Variants in KALRN observed in about 807,000 individuals in gnomAD.
KALRN encodes kalirin.
A neutral mutation model predicts 353.7 loss-of-function variants in KALRN; 70 were observed. The ratio of observed to expected loss-of-function variants is 0.20; its 90% CI spans 0.16 to 0.24. KALRN has a LOEUF of 0.24. Among genes scored for constraint, KALRN ranks in the 10% least tolerant of loss-of-function variants. The pLI is 1.00. For missense variants in KALRN, 2,791 were observed against 3,756.7 expected (o/e 0.74, Z 6.72); for synonymous variants, 1,391 against 1,434.8 (o/e 0.97, Z 0.69).
At chr3:124,607,681 A>G (rs1203288788) in intron 34 of KALRN, among the ~76,000 whole-genome samples, 1 of 152,126 alleles carries the variant, frequency 6.6e-6, no homozygotes, top group Non-Finnish European at 1.5e-5. Flanking sequence ...CAGTGGCACA[A>G]TCTCGGATCA....
intron 37 of KALRN, among the ~76,000 whole-genome samples, chr3:124,647,543 T>C (rs1303149742): frequency 6.6e-6 from 1 of 152,218 alleles, no homozygotes; most frequent in East Asian, 1.9e-4. Flanking sequence ...TTCCATTAAG[T>C]CTTTCCTTCT....
chr3:124,717,503 G>A (rs577931507), intron 59 of KALRN, 118 bp downstream of exon 59: 54 of 541,920 alleles, frequency 1.0e-4, no homozygotes, highest in East Asian at 8.8e-4. Flanking sequence ...TGGCTGACAC[G>A]GTGAAACCCC....
In KALRN at chr3:124,671,723, C is replaced by G. The variant is rs1439244084; in HGVS notation, c.6767C>G (p.Pro2256Arg). ...AGCACAGCTGTGATGAGGTCTCAACCTGCCAGGCTTCCCCAAGCCAGCCCC... is the reference window on the plus strand; with the variant it reads ...AGCACAGCTGTGATGAGGTCTCAACGTGCCAGGCTTCCCCAAGCCAGCCCC... ...ERSTAVMRSQPARLPQASPRP... is the reference protein window; with the variant it reads ...ERSTAVMRSQRARLPQASPRP... The change falls in exon 48 of 60, where the codon CCT becomes CGT. Residue 2256 changes from proline to arginine, a missense_variant. By Grantham distance (103) the Pro-to-Arg change is moderately radical (BLOSUM62 -2). Transcript: ENST00000682506. 6.2e-7 allele frequency: 1 copy of G among 1,614,150 alleles called. No individual in the cohort carries two copies. Among genetic ancestry groups the G allele is most frequent in the Non-Finnish European group, 8.5e-7 (1 of 1,180,022 alleles).
At chr3:124,492,018 T>C (rs996438015) in intron 31 of KALRN, among the ~76,000 whole-genome samples, 1 of 152,066 alleles carries the variant, frequency 6.6e-6, no homozygotes, top group Non-Finnish European at 1.5e-5. Flanking sequence ...ACAGCAGTGA[T>C]GTTAGCCTGT....
intron 9 of KALRN, among the ~76,000 whole-genome samples, chr3:124,342,150 CTTTA>C (rs6148051): frequency 2.7e-5 from 4 of 150,728 alleles, no homozygotes; most frequent in South Asian, 2.1e-4. Flanking sequence ...GAGGGTATGC[CTTTA>C]TTTATTTATT....
intron 3 of KALRN, 128 bp downstream of exon 3, chr3:124,235,071 C>A: frequency 1.5e-6 from 1 of 651,276 alleles, no homozygotes; most frequent in East Asian, 2.7e-5. Context: ...TCTAACCATT[C>A]CTGGAACACC....
chr3:124,403,948 T>C, intron 13 of KALRN, among the ~76,000 whole-genome samples: 1 of 152,106 alleles, frequency 6.6e-6, no homozygotes, highest in African/African-American at 2.4e-5. Context: ...GGTTTCCCAA[T>C]GAGGTTACAC....
At chr3:124,042,296 T>TG (rs2040034869) in intron 1 of KALRN, among the ~76,000 whole-genome samples, 1 of 152,248 alleles carries the variant, frequency 6.6e-6, no homozygotes, top group African/African-American at 2.4e-5. Context: ...AAATATTTAC[T>TG]AGGCTCCTAC....
chr3:124,152,636 C>T (rs1159369225), intron 1 of KALRN: 1 of 586,464 alleles, frequency 1.7e-6, no homozygotes, highest in East Asian at 2.8e-5. Context: ...CTCTGTTGCC[C>T]AGGCTGGAGT....
intron 33 of KALRN, among the ~76,000 whole-genome samples, chr3:124,516,234 T>A (rs189462511): frequency 4.8e-4 from 73 of 152,278 alleles, no homozygotes; most frequent in African/African-American, 1.6e-3. Context: ...AGAAGATGGA[T>A]TCTCCTTTAG....
At chr3:124,155,661 A>C (rs1647335025) in intron 1 of KALRN, among the ~76,000 whole-genome samples, 1 of 152,256 alleles carries the variant, frequency 6.6e-6, no homozygotes, top group Non-Finnish European at 1.5e-5. Context: ...AACCATATGA[A>C]ATGGAATTTA....
intron 1 of KALRN, among the ~76,000 whole-genome samples, chr3:124,144,282 G>C (rs1380243486): frequency 6.6e-6 from 1 of 152,120 alleles, no homozygotes; most frequent in East Asian, 1.9e-4. Context: ...AGAGCAGCCA[G>C]AGATCAGAAC....
chr3:124,517,007 G>T (rs960303837), intron 33 of KALRN, among the ~76,000 whole-genome samples: 1 of 152,030 alleles, frequency 6.6e-6, no homozygotes, highest in South Asian at 2.1e-4. Flanking sequence ...TAGTAGAGAC[G>T]GGGTTTCACT....
chr3:124,717,156 A>C lies in KALRN; in HGVS notation c.8277-91A>C, dbSNP rs1220009687. The stretch of plus-strand genomic sequence containing the variant: ...TCATGTATAACAATAAGTATGAGAG[A>C]GTTTAGAGATCTTACTGATTTGTAC... On this transcript the variant is annotated intron_variant, in intron 58 of 59. Coordinates refer to ENST00000682506, the MANE Select transcript of KALRN (RefSeq NM_001388419.1). 7.3e-6 allele frequency: 9 copies of C among 1,230,312 alleles called. No individual in the cohort carries two copies. The Admixed American group carries it at 2.2e-4, about 30-fold the overall frequency. The allele number at this position is 1,230,312 out of a possible 1,614,324, so 76.2% of individuals were successfully genotyped here. A position where few individuals can be genotyped will look rare whatever the true frequency, so the allele number is the denominator to read the frequency against.
chr3:124,636,161 G>C (rs2081330696), intron 36 of KALRN, among the ~76,000 whole-genome samples: 1 of 152,152 alleles, frequency 6.6e-6, no homozygotes, highest in Non-Finnish European at 1.5e-5. Context: ...AAGTAACTTA[G>C]ATTAGATGAG....
In KALRN at chr3:124,326,004, A is replaced by G. The variant is rs764027557; in HGVS notation, c.1117A>G (p.Ile373Val). ...SMNAYVNINR[I>V]MSVASRLSEA... ...GAATGCCTATGTCAACATCAACCGC[A>G]TCATGTCCGTGGCTTCCCGCCTCTC... The change falls in exon 7 of 60, where the codon ATC becomes GTC. Residue 373 changes from isoleucine to valine, a missense_variant. Physicochemically the swap from Ile to Val is conservative, Grantham distance 29. Coordinates refer to ENST00000682506, the MANE Select transcript of KALRN (RefSeq NM_001388419.1). 6.2e-7 allele frequency: 1 copy of G among 1,613,272 alleles called. No individual in the cohort carries two copies. The highest frequency in any genetic ancestry group is 1.1e-5 in the South Asian group (1 of 90,774).
chr3:124,398,895 G>A (rs750167003), intron 13 of KALRN, 24 bp downstream of exon 13: 2 of 1,580,022 alleles, frequency 1.3e-6, no homozygotes, highest in South Asian at 2.4e-5. Flanking sequence ...AGGAGGGGAG[G>A]TGGAGAGGGG....
chr3:124,208,171 T>C (rs536271870), intron 1 of KALRN, among the ~76,000 whole-genome samples: 3 of 152,352 alleles, frequency 2.0e-5, no homozygotes, highest in African/African-American at 7.2e-5. Flanking sequence ...TGCAGCGTTA[T>C]TATTACACAT....
At chr3:124,697,268 AAAAT>A (rs2062099120) in intron 54 of KALRN, among the ~76,000 whole-genome samples, 1 of 152,218 alleles carries the variant, frequency 6.6e-6, no homozygotes, top group Admixed American at 6.5e-5. Context: ...TAAAAATTCA[AAAAT>A]AAAGTTCTGG....
Sources: allele counts gnomAD v4.1 joint callset (sites outside exome capture counted in the v4.1 genomes callset), GRCh38; gene constraint gnomAD v4.1.1; transcripts MANE v1.5; gene names NCBI Gene and HGNC (gene_info 2026-07-23, HGNC 2026-07-21).